SGIP1: variants seen among roughly 807,000 people sequenced by gnomAD.
SGIP1 encodes the protein SH3GL interacting endocytic adaptor 1, also known as SH3-containing GRB2-like protein 3-interacting protein 1.
SGIP1 carries 38 observed loss-of-function variants against 107.5 expected under a neutral mutation model. That is an observed-to-expected ratio of 0.35 (90% CI 0.27 to 0.46). SGIP1 has a LOEUF of 0.46. SGIP1 is among the 20% of genes least tolerant of loss of function. The pLI, the probability that SGIP1 is intolerant of heterozygous loss-of-function variation, is 1.00. For synonymous variants in SGIP1, 365 were observed against 366.1 expected, an observed-to-expected ratio of 1.00 and a Z score of 0.03; for missense variants, 929 against 1,019.5, an observed-to-expected ratio of 0.91 and a Z score of 1.21.
intron 1 of SGIP1, among the ~76,000 whole-genome samples, chr1:66,553,973 G>A (rs1424459668): frequency 2.0e-5 from 3 of 152,062 alleles, no homozygotes; most frequent in African/African-American, 7.2e-5. Flanking sequence ...GATGTGTCTG[G>A]ACAGGCCTCA....
intron 2 of SGIP1, among the ~76,000 whole-genome samples, chr1:66,632,536 AG>A (rs1483318757): frequency 6.6e-6 from 1 of 152,212 alleles, no homozygotes; most frequent in Non-Finnish European, 1.5e-5. Context: ...GCTTCTCGGG[AG>A]GCTGGAGCAG....
chr1:66,706,094 A>G (rs2092479624), intron 18 of SGIP1, among the ~76,000 whole-genome samples: 1 of 146,190 alleles, frequency 6.8e-6, no homozygotes, highest in African/African-American at 2.8e-5. Flanking sequence ...TATTAAAACA[A>G]AAACAAAACA....
chr1:66,615,268 G>A (rs933321711), intron 1 of SGIP1, among the ~76,000 whole-genome samples: 1 of 152,112 alleles, frequency 6.6e-6, no homozygotes, highest in Non-Finnish European at 1.5e-5. Context: ...CTGAGTAGCT[G>A]GGATTACAGG....
At chr1:66,632,587 G>A (rs912393686) in intron 2 of SGIP1, among the ~76,000 whole-genome samples, 4 of 152,136 alleles carry the variant, frequency 2.6e-5, no homozygotes, top group Non-Finnish European at 4.4e-5. Context: ...TGGGTAGTAC[G>A]CTTTTGATTG....
At chr1:66,621,599 C>G (rs1424443602) in intron 1 of SGIP1, among the ~76,000 whole-genome samples, 1 of 152,146 alleles carries the variant, frequency 6.6e-6, no homozygotes, top group South Asian at 2.1e-4. Context: ...GCAGCCATTC[C>G]CCTTTCCCAC....
At chr1:66,592,897 CTTTTTTTTTTT>C (rs35762612) in intron 1 of SGIP1, among the ~76,000 whole-genome samples, 278 of 56,368 alleles carry the variant, frequency 4.9e-3, no homozygotes, top group African/African-American at 0.023. Flanking sequence ...TCTTCTTCTT[CTTTTTTTTTTT>C]TTTTTTTTTT....
Position 66,682,372 on chromosome 1 carries a change from ATGT to A in SGIP1, c.1315+4_1315+6del. On this transcript the variant is annotated splice_donor_5th_base_variant and intron_variant, in intron 15 of 24. Transcript: ENST00000371037. ...CCCTGGTCCGGGGACCACCAGTGGT[ATGT>A]CTTATGCTTGAGTGTGCTTCTTGTG... 6.2e-7 allele frequency: 1 copy of A among 1,607,944 alleles called. No individual in the cohort carries two copies. Among genetic ancestry groups the A allele is most frequent in the Non-Finnish European group, 8.5e-7 (1 of 1,178,208 alleles).
chr1:66,560,158 C>G (rs954124266), intron 1 of SGIP1, among the ~76,000 whole-genome samples: 4 of 152,028 alleles, frequency 2.6e-5, no homozygotes, highest in Admixed American at 6.6e-5. Context: ...TTGAATTTTT[C>G]TTCCCTGAAG....
At position 66,671,991 on chromosome 1, in the gene SGIP1, A is replaced by G. The variant is rs748156773; in HGVS notation, c.556A>G (p.Ile186Val). 9 of 1,613,854 alleles carry G rather than the reference A, an allele frequency of 5.6e-6. No homozygotes were observed. The African/African-American group carries it at 1.1e-4, about 19-fold the overall frequency. Residue 186 changes from isoleucine to valine, a missense_variant, in exon 11 of 25, where the codon ATA becomes GTA. By Grantham distance (29) the Ile-to-Val change is conservative. Coordinates refer to ENST00000371037, the MANE Select transcript of SGIP1 (RefSeq NM_032291.4). ...PRRSTPTPEL[I>V]SKKPPDDTTA... ...GCGTTCCACACCAACTCCAGAACTTATAAGGTGAGTGTGAAAGACATTAGT... is the reference window on the plus strand; with the variant it reads ...GCGTTCCACACCAACTCCAGAACTTGTAAGGTGAGTGTGAAAGACATTAGT...
chr1:66,649,979 T>C (rs1356899621), intron 7 of SGIP1, among the ~76,000 whole-genome samples: 2 of 152,200 alleles, frequency 1.3e-5, no homozygotes, highest in East Asian at 1.9e-4. Flanking sequence ...TTCATTGGGC[T>C]ATTTTGAGGG....
chr1:66,715,039 C>CATTAA (rs1216633278), intron 18 of SGIP1, among the ~76,000 whole-genome samples: 1 of 152,036 alleles, frequency 6.6e-6, no homozygotes, highest in Non-Finnish European at 1.5e-5. Context: ...ACCTGGTATT[C>CATTAA]TTGTCAATTA....
chr1:66,603,343 A>C (rs2066225540), intron 1 of SGIP1, among the ~76,000 whole-genome samples: 1 of 152,168 alleles, frequency 6.6e-6, no homozygotes, highest in South Asian at 2.1e-4. Flanking sequence ...TTATATATCA[A>C]ATCCCATACT....
intron 13 of SGIP1, among the ~76,000 whole-genome samples, chr1:66,677,467 C>T (rs1457247321): frequency 6.6e-6 from 1 of 152,192 alleles, no homozygotes; most frequent in Non-Finnish European, 1.5e-5. Flanking sequence ...CTAATACGGT[C>T]TCTGCTCATC....
intron 18 of SGIP1, among the ~76,000 whole-genome samples, chr1:66,705,111 T>C (rs1044827474): frequency 2.0e-5 from 3 of 152,190 alleles, no homozygotes; most frequent in African/African-American, 7.2e-5. Flanking sequence ...TCAACTATTC[T>C]GCACTGTGTG....
chr1:66,603,511 T>C (rs998872655), intron 1 of SGIP1, among the ~76,000 whole-genome samples: 3 of 152,106 alleles, frequency 2.0e-5, no homozygotes, highest in African/African-American at 4.8e-5. Flanking sequence ...ATTAGAATAT[T>C]CACTTGTATT....
intron 1 of SGIP1, among the ~76,000 whole-genome samples, chr1:66,563,081 T>C (rs1027377192): frequency 3.3e-5 from 5 of 151,662 alleles, no homozygotes; most frequent in African/African-American, 9.7e-5. Context: ...TTGGAAACAT[T>C]AGTATGAAGT....
intron 10 of SGIP1, 79 bp from the exon 11 acceptor site, chr1:66,671,865 T>A: frequency 7.3e-7 from 1 of 1,361,782 alleles, no homozygotes; most frequent in East Asian, 2.3e-5. Flanking sequence ...AATCTCTAAG[T>A]GTTTCCAAAC....
intron 1 of SGIP1, among the ~76,000 whole-genome samples, chr1:66,556,309 G>T (rs1180351321): frequency 6.6e-6 from 1 of 151,888 alleles, no homozygotes. Flanking sequence ...CTTTGAATTC[G>T]CGGGCCCTCT....
Position 66,749,519 on chromosome 1 carries a change from G to A in SGIP1, c.*6424G>A, listed in dbSNP as rs941946077. On this transcript the variant is annotated 3_prime_UTR_variant, in exon 25 of 25. Transcript: ENST00000371037. The stretch of plus-strand genomic sequence containing the variant: ...TCAGTTACTTTTATACCAAATTAAC[G>A]AAGTTTCTTTAAAAACTTCCTGGTT... Among the ~76,000 whole-genome samples, 21 of 149,984 alleles carry A rather than the reference G, an allele frequency of 1.4e-4. 1 individual carries two copies. Among genetic ancestry groups the A allele is most frequent in the Admixed American group, 6.6e-4 (10 of 15,056 alleles).
Sources: gnomAD v4.1 joint callset for allele counts (sites outside exome capture counted in the v4.1 genomes callset) on GRCh38, gnomAD v4.1.1 for gene constraint, MANE v1.5 for transcripts, NCBI Gene and HGNC (gene_info 2026-07-23, HGNC 2026-07-21) for gene names.